RAB43: variants seen among roughly 807,000 people sequenced by gnomAD.
RAB43 encodes ras-related protein Rab-43.
A neutral mutation model predicts 18.8 loss-of-function variants in RAB43; 6 were observed. The ratio of observed to expected loss-of-function variants is 0.32; its 90% CI spans 0.17 to 0.63. The LOEUF (loss-of-function observed/expected upper bound fraction) is 0.63, where lower values mean the gene tolerates loss of function less well. RAB43 is among the 30% of genes least tolerant of loss of function. The pLI, the probability that RAB43 is intolerant of heterozygous loss-of-function variation, is 0.79. For missense variants in RAB43, 195 were observed against 289.1 expected, an observed-to-expected ratio of 0.67 and a Z score of 2.36; for synonymous variants, 103 against 124.1, an observed-to-expected ratio of 0.83 and a Z score of 1.13.
chr3:129,119,598 T>C (rs1372754171), intron 1 of RAB43, among the ~76,000 whole-genome samples: 2 of 152,132 alleles, frequency 1.3e-5, no homozygotes, highest in Non-Finnish European at 2.9e-5. Context: ...GGCTATAACT[T>C]GGAGAGGTGT....
chr3:129,111,070 C>G (rs1560002861), intron 1 of RAB43, among the ~76,000 whole-genome samples: 1 of 152,114 alleles, frequency 6.6e-6, no homozygotes, highest in Non-Finnish European at 1.5e-5. Flanking sequence ...CATCACCATG[C>G]GCCTTCCCAA....
At chr3:129,121,865 C>T (rs889796937), upstream of RAB43, 1 of 147,234 alleles carries the variant, frequency 6.8e-6, no homozygotes, top group East Asian at 2.1e-4. Flanking sequence ...CAGGCTGGCA[C>T]CCACTCCGCC....
intron 1 of RAB43, among the ~76,000 whole-genome samples, chr3:129,101,832 A>G (rs888753707): frequency 1.3e-5 from 2 of 152,194 alleles, no homozygotes; most frequent in African/African-American, 4.8e-5. Context: ...TGTCTCAGGC[A>G]GGGAAATATG....
chr3:129,120,268 A>G (rs1935820867), intron 1 of RAB43, among the ~76,000 whole-genome samples: 1 of 152,140 alleles, frequency 6.6e-6, no homozygotes, highest in Non-Finnish European at 1.5e-5. Flanking sequence ...TACATATCCT[A>G]GCCAAAGGCA....
chr3:129,102,294 C>T (rs1450033213), intron 1 of RAB43, among the ~76,000 whole-genome samples: 3 of 152,162 alleles, frequency 2.0e-5, no homozygotes, highest in Non-Finnish European at 4.4e-5. Flanking sequence ...CTCTGTTTTC[C>T]ACGGGAAGCC....
rs150496863 is a variant in RAB43, at chr3:129,103,511, C to A, written c.205-8342G>T. ...AGGCCCTTGTCCTTGGTGTTCCCTG[C>A]CTGAAAAGCTCTCCCAGACGCCCAT... On this transcript the variant is annotated intron_variant, in intron 1 of 2. Coordinates refer to ENST00000315150, the MANE Select transcript of RAB43 (RefSeq NM_198490.3). 4.5e-3 allele frequency among the ~76,000 whole-genome samples: 679 copies of A among 152,218 alleles called. 4 individuals carry two copies. Among genetic ancestry groups the A allele is most frequent in the Admixed American group, 0.011 (165 of 15,290 alleles).
intron 1 of RAB43, among the ~76,000 whole-genome samples, chr3:129,102,885 C>T (rs182630099): frequency 9.5e-4 from 144 of 152,224 alleles, no homozygotes; most frequent in Admixed American, 2.8e-3. Context: ...ACTTTAACTA[C>T]GTTACTTTTG....
intron 1 of RAB43, among the ~76,000 whole-genome samples, chr3:129,118,424 AG>A: frequency 6.6e-6 from 1 of 152,302 alleles, no homozygotes. Flanking sequence ...ACCTACAACT[AG>A]ATAAAGGTAT....
chr3:129,104,051 T>C (rs77742475), intron 1 of RAB43, among the ~76,000 whole-genome samples: 5,307 of 152,322 alleles, frequency 0.035, 215 homozygotes, highest in East Asian at 0.11. Flanking sequence ...GCAATCTGCA[T>C]AGCACCTAGC....
Position 129,090,979 on chromosome 3 carries a change from T to C in RAB43, c.*117A>G. On this transcript the variant is annotated 3_prime_UTR_variant, in exon 3 of 3. Coordinates refer to ENST00000315150, the MANE Select transcript of RAB43 (RefSeq NM_198490.3). Reference sequence around the variant, plus strand: ...GCCACAGGATGCAGAGCTCCAGAGCTTCACCCGGCTGCTGTAGTTGCCGGT... The same window carrying C: ...GCCACAGGATGCAGAGCTCCAGAGCCTCACCCGGCTGCTGTAGTTGCCGGT... The C allele has an allele frequency of 3.2e-6, 2 of 616,812 alleles. No homozygotes were observed. Among genetic ancestry groups the C allele is most frequent in the Non-Finnish European group, 5.7e-6 (2 of 353,726 alleles). The allele number at this position is 616,812 out of a possible 1,614,324, so 38.2% of individuals were successfully genotyped here.
rs1935832085 is a variant in RAB43 at position 129,120,464 on chromosome 3, G to A, written c.204+822C>T. ...TACAGTGCGGTTCAGAAAAGTTACT[G>A]AGTGCCTTCAGCCCAGGATCTCCTG... On this transcript the variant is annotated intron_variant, in intron 1 of 2. Transcript: ENST00000315150. 2.6e-5 allele frequency among the ~76,000 whole-genome samples: 4 copies of A among 152,206 alleles called. No individual in the cohort carries two copies. The South Asian group carries it at 6.2e-4, about 24-fold the overall frequency.
At position 129,091,407 on chromosome 3, in the gene RAB43, G is replaced by A; in HGVS notation, c.389-61C>T. On this transcript the variant is annotated intron_variant, in intron 2 of 2. Coordinates refer to ENST00000315150, the MANE Select transcript of RAB43 (RefSeq NM_198490.3). ...GGGCTGGGCAAGCCCAGTCCCACCT[G>A]GGAGGGTCACGCTGACAGCCCCATG... The A allele has an allele frequency of 1.9e-6, 3 of 1,544,460 alleles. No homozygotes were observed. In the South Asian group the frequency reaches 3.6e-5, roughly 18 times the overall value.
At chr3:129,092,333 G>A (rs1329510532) in intron 2 of RAB43, among the ~76,000 whole-genome samples, 1 of 152,194 alleles carries the variant, frequency 6.6e-6, no homozygotes, top group Non-Finnish European at 1.5e-5. Flanking sequence ...CTGGAATACT[G>A]CCAGGTGAAA....
At chr3:129,097,697 G>A (rs561383435) in intron 1 of RAB43, among the ~76,000 whole-genome samples, 1 of 152,278 alleles carries the variant, frequency 6.6e-6, no homozygotes, top group African/African-American at 2.4e-5. Flanking sequence ...AGCCAACTTG[G>A]AGCCGGTCAG....
At chr3:129,112,292 AC>A (rs1935223771) in intron 1 of RAB43, among the ~76,000 whole-genome samples, 1 of 151,606 alleles carries the variant, frequency 6.6e-6, no homozygotes, top group Non-Finnish European at 1.5e-5. Context: ...AGAATAAAAA[AC>A]CCCCAAAATC....
chr3:129,094,718 T>G (rs564421434), intron 2 of RAB43, among the ~76,000 whole-genome samples: 1 of 151,580 alleles, frequency 6.6e-6, no homozygotes. Flanking sequence ...GAGGTTTCAC[T>G]GTGTTAGCCA....
chr3:129,110,638 A>C (rs539717193), intron 1 of RAB43, among the ~76,000 whole-genome samples: 35 of 152,272 alleles, frequency 2.3e-4, no homozygotes, highest in African/African-American at 8.4e-4. Flanking sequence ...GAAGATCAAG[A>C]CGATCCTGAC....
chr3:129,097,877 C>T (rs967299556), intron 1 of RAB43, among the ~76,000 whole-genome samples: 2 of 152,140 alleles, frequency 1.3e-5, no homozygotes, highest in African/African-American at 4.8e-5. Flanking sequence ...TCATGAAAGG[C>T]ACCTCATGAT....
intron 1 of RAB43, among the ~76,000 whole-genome samples, chr3:129,101,796 T>C (rs182449802): frequency 1.3e-5 from 2 of 152,336 alleles, no homozygotes; most frequent in Non-Finnish European, 2.9e-5. Context: ...ATTTCATTTT[T>C]CTTGCAACGT....
Sources: allele counts gnomAD v4.1 joint callset (sites outside exome capture counted in the v4.1 genomes callset), GRCh38; gene constraint gnomAD v4.1.1; transcripts MANE v1.5; gene names NCBI Gene and HGNC (gene_info 2026-07-23, HGNC 2026-07-21).